PPP3CA: variants seen among roughly 807,000 people sequenced by gnomAD.
The protein encoded by PPP3CA is protein phosphatase 3 catalytic subunit alpha.
In PPP3CA, 14 loss-of-function variants were observed where a neutral mutation model predicts 66.5. The observed-to-expected ratio is 0.21, with a 90% confidence interval of 0.14 to 0.33. PPP3CA has a LOEUF of 0.33. Ranked by LOEUF, PPP3CA falls within the 10% of genes least tolerant of loss-of-function variation. The probability of loss-of-function intolerance (pLI) is 1.00; values close to 1 mark genes in which losing one functional copy is unlikely to be tolerated. For missense variants in PPP3CA, 317 were observed against 639.5 expected (o/e 0.50, Z 5.44); for synonymous variants, 232 against 226.2 (o/e 1.03, Z -0.23).
chr4:101,048,509 C>CAAAAAA (rs59988569), intron 10 of PPP3CA, among the ~76,000 whole-genome samples: 5 of 66,332 alleles, frequency 7.5e-5, no homozygotes, highest in Admixed American at 1.9e-4. Flanking sequence ...TTTCTCTCAC[C>CAAAAAA]AAAAAAAAAA....
intron 2 of PPP3CA, among the ~76,000 whole-genome samples, chr4:101,174,327 TTTG>T (rs1428157230): frequency 6.6e-6 from 1 of 152,144 alleles, no homozygotes; most frequent in Non-Finnish European, 1.5e-5. Flanking sequence ...AACCACACCA[TTTG>T]TTAATTTTTT....
At chr4:101,060,371 T>TA (rs1227693703) in intron 10 of PPP3CA, among the ~76,000 whole-genome samples, 3 of 152,120 alleles carry the variant, frequency 2.0e-5, no homozygotes, top group African/African-American at 7.2e-5. Context: ...GCCTCAACTG[T>TA]ACTTCTTAAA....
intron 2 of PPP3CA, among the ~76,000 whole-genome samples, chr4:101,111,393 CT>C (rs1421840625): frequency 3.9e-5 from 6 of 152,106 alleles, no homozygotes; most frequent in African/African-American, 1.4e-4. Context: ...GCTACTGGCT[CT>C]CTCCCTCTCC....
chr4:101,290,872 G>C (rs1728001428), intron 1 of PPP3CA, among the ~76,000 whole-genome samples: 1 of 152,208 alleles, frequency 6.6e-6, no homozygotes, highest in South Asian at 2.1e-4. Context: ...CCTGGATACA[G>C]TGATTGGTTT....
chr4:101,097,474 A>G (rs1047863110), intron 5 of PPP3CA, among the ~76,000 whole-genome samples: 2 of 152,136 alleles, frequency 1.3e-5, no homozygotes, highest in African/African-American at 2.4e-5. Context: ...TTTCAATAAC[A>G]TATGTTATAA....
intron 1 of PPP3CA, among the ~76,000 whole-genome samples, chr4:101,267,724 G>A (rs1179491267): frequency 5.9e-5 from 9 of 152,082 alleles, no homozygotes; most frequent in African/African-American, 2.2e-4. Flanking sequence ...AGTAACAAAA[G>A]TGAACTCCAG....
intron 2 of PPP3CA, among the ~76,000 whole-genome samples, chr4:101,125,905 A>G (rs1214419455): frequency 1.3e-5 from 2 of 152,212 alleles, no homozygotes; most frequent in Admixed American, 6.5e-5. Context: ...CTATTAAGTC[A>G]TCACCTCATC....
rs183122713 is a variant in PPP3CA at position 101,284,826 on chromosome 4, A to C, written c.58+61913T>G. On this transcript the variant is annotated intron_variant, in intron 1 of 13. Transcript: ENST00000394854. ...ATTTTTATTTTTCACTAGAACCTTTATGTTCAAATATTCCACATGATTAGT... is the reference window on the plus strand; with the variant it reads ...ATTTTTATTTTTCACTAGAACCTTTCTGTTCAAATATTCCACATGATTAGT... Among the ~76,000 whole-genome samples, 202 of 152,238 alleles carry C rather than the reference A, an allele frequency of 1.3e-3. 1 individual carries two copies. In the Middle Eastern group the frequency reaches 0.017, roughly 13 times the overall value.
intron 2 of PPP3CA, among the ~76,000 whole-genome samples, chr4:101,167,181 T>C (rs1405681097): frequency 6.6e-6 from 1 of 152,148 alleles, no homozygotes; most frequent in Non-Finnish European, 1.5e-5. Context: ...AAATGCCCAT[T>C]ATTAGGGGAG....
intron 1 of PPP3CA, among the ~76,000 whole-genome samples, chr4:101,271,568 A>G (rs1727337613): frequency 6.6e-6 from 1 of 152,184 alleles, no homozygotes; most frequent in African/African-American, 2.4e-5. Flanking sequence ...TAAGGAGAAA[A>G]TCTTTTAACC....
At chr4:101,291,721 G>C (rs1728032626) in intron 1 of PPP3CA, among the ~76,000 whole-genome samples, 1 of 152,192 alleles carries the variant, frequency 6.6e-6, no homozygotes, top group Non-Finnish European at 1.5e-5. Context: ...TACTTGGACA[G>C]AGTGATATGC....
Position 101,347,516 on chromosome 4 carries a change from G to A in PPP3CA, c.-720C>T, listed in dbSNP as rs557095690. 3.1e-3 allele frequency: 512 copies of A among 165,038 alleles called. 3 individuals carry two copies. Among genetic ancestry groups the A allele is most frequent in the African/African-American group, 0.012 (483 of 40,762 alleles). 10.2% of individuals were successfully genotyped at this position (165,038 alleles called of 1,614,324 possible). The stretch of plus-strand genomic sequence containing the variant: ...CGCCGAGCTCGGCAGACACAGTCCC[G>A]GGCACAACCTACCCCCCTCCGCCGC... On this transcript the variant is annotated 5_prime_UTR_variant, in exon 1 of 14. Transcript: ENST00000394854.
intron 1 of PPP3CA, among the ~76,000 whole-genome samples, chr4:101,333,667 G>A (rs1008595750): frequency 6.6e-6 from 1 of 152,100 alleles, no homozygotes; most frequent in Admixed American, 6.5e-5. Context: ...ATGTTAGGCA[G>A]AAACAGGCAT....
At chr4:101,174,370 T>G (rs1723987887) in intron 2 of PPP3CA, among the ~76,000 whole-genome samples, 1 of 152,144 alleles carries the variant, frequency 6.6e-6, no homozygotes, top group African/African-American at 2.4e-5. Context: ...TAATTGGGGT[T>G]AGGGAATTCT....
intron 1 of PPP3CA, among the ~76,000 whole-genome samples, chr4:101,286,037 T>G (rs1727836995): frequency 1.3e-5 from 2 of 152,134 alleles, no homozygotes; most frequent in Admixed American, 6.5e-5. Flanking sequence ...CGGGGGTGGA[T>G]GGATGGTTTC....
rs1002651099 is a variant in PPP3CA, at chr4:101,215,188, T to C, written c.59-19072A>G. On this transcript the variant is annotated intron_variant, in intron 1 of 13. Coordinates refer to ENST00000394854, the MANE Select transcript of PPP3CA (RefSeq NM_000944.5). ...TAATATAAATAATAATTCACAGTGT[T>C]ATATATTACATTTACCAAATGTAGT... Among the ~76,000 whole-genome samples, 12 of 151,970 alleles carry C rather than the reference T, an allele frequency of 7.9e-5. No homozygotes were observed. The East Asian group carries it at 2.1e-3, about 27-fold the overall frequency.
intron 1 of PPP3CA, among the ~76,000 whole-genome samples, chr4:101,250,021 G>A (rs539881426): frequency 1.3e-5 from 2 of 152,140 alleles, no homozygotes; most frequent in Non-Finnish European, 2.9e-5. Flanking sequence ...CTTCTGAAAC[G>A]CTGTATAAGG....
At chr4:101,164,249 C>A (rs1038702977) in intron 2 of PPP3CA, among the ~76,000 whole-genome samples, 4 of 149,224 alleles carry the variant, frequency 2.7e-5, no homozygotes, top group Non-Finnish European at 5.9e-5. Context: ...CCACCCCATA[C>A]AATTTTCTAT....
intron 1 of PPP3CA, among the ~76,000 whole-genome samples, chr4:101,291,541 C>T (rs11946103): frequency 0.068 from 10,297 of 152,176 alleles, 1,155 homozygotes; most frequent in African/African-American, 0.23. Flanking sequence ...AAAGCATTCA[C>T]GAATTAATCC....
Sources: allele counts gnomAD v4.1 joint callset (sites outside exome capture counted in the v4.1 genomes callset), GRCh38; gene constraint gnomAD v4.1.1; transcripts MANE v1.5; gene names NCBI Gene and HGNC (gene_info 2026-07-23, HGNC 2026-07-21).